RASD2: variants seen among roughly 807,000 people sequenced by gnomAD.
RASD2 encodes GTP-binding protein Rhes.
A neutral mutation model predicts 15.8 loss-of-function variants in RASD2; 7 were observed. That is an observed-to-expected ratio of 0.44 (90% CI 0.25 to 0.83). The LOEUF is 0.83. Ranked by LOEUF, RASD2 falls within the 40% of genes least tolerant of loss-of-function variation. RASD2 has a pLI of 0.20. For synonymous variants in RASD2, 155 were observed against 153.6 expected (o/e 1.01, Z -0.07); for missense variants, 274 against 382.8 (o/e 0.72, Z 2.37).
chr22:35,547,868 C>A (rs1027991877), intron 2 of RASD2, among the ~76,000 whole-genome samples: 18 of 152,242 alleles, frequency 1.2e-4, no homozygotes, highest in African/African-American at 4.3e-4. Flanking sequence ...CCTACCTCAG[C>A]CTCCCAAAGT....
At chr22:35,549,836 A>C (rs1934612180) in intron 2 of RASD2, among the ~76,000 whole-genome samples, 1 of 152,206 alleles carries the variant, frequency 6.6e-6, no homozygotes, top group Admixed American at 6.5e-5. Flanking sequence ...GGAAGGTGGC[A>C]GCCATTCTGC....
intron 1 of RASD2, among the ~76,000 whole-genome samples, chr22:35,542,249 C>T (rs532133140): frequency 1.3e-4 from 20 of 152,336 alleles, no homozygotes; most frequent in East Asian, 9.6e-4. Flanking sequence ...GCAAGACCTG[C>T]GCCTGCATTC....
chr22:35,535,045 C>G, the RASD2 span, among the ~76,000 whole-genome samples: 1 of 152,186 alleles, frequency 6.6e-6, no homozygotes, highest in African/African-American at 2.4e-5. Context: ...GCGAGGACCC[C>G]ATGACAGATT....
intron 1 of RASD2, among the ~76,000 whole-genome samples, chr22:35,544,392 G>A (rs946422151): frequency 2.6e-5 from 4 of 152,204 alleles, no homozygotes; most frequent in South Asian, 2.1e-4. Flanking sequence ...CCTCCCACAC[G>A]TATGCCCTGG....
intron 1 of RASD2, 142 bp from the exon 2 acceptor site, chr22:35,546,659 T>C: frequency 8.7e-7 from 1 of 1,153,824 alleles, no homozygotes; most frequent in Non-Finnish European, 1.2e-6. Context: ...AGGGTAGAAC[T>C]CCAAGACCCC....
At chr22:35,533,603 AATG>A in the RASD2 span, among the ~76,000 whole-genome samples, 2 of 3,014 alleles carry the variant, frequency 6.6e-4, no homozygotes, top group African/African-American at 1.2e-3. Flanking sequence ...TAATGGTGAT[AATG>A]ATGATGATGG....
rs1473020698 is a variant in RASD2 at position 35,552,329 on chromosome 22, G to A, written c.*297G>A. On this transcript the variant is annotated 3_prime_UTR_variant, in exon 3 of 3. Transcript: ENST00000216127. ...ACACCTTCCTCTCCTGGGGTTGGAA[G>A]AAATGTTGATGCCAGAGGGGTGAGG... The A allele has an allele frequency of 2.2e-6, 1 of 458,058 alleles. No individual in the cohort carries two copies. The highest frequency in any genetic ancestry group is 3.9e-6 in the Non-Finnish European group (1 of 255,326). The allele number at this position is 458,058 out of a possible 1,614,324, so 28.4% of individuals were successfully genotyped here.
intron 1 of RASD2, among the ~76,000 whole-genome samples, chr22:35,543,252 A>C (rs989409803): frequency 1.3e-5 from 2 of 152,122 alleles, no homozygotes; most frequent in Non-Finnish European, 2.9e-5. Flanking sequence ...ACCTGTCCTC[A>C]GAATGGCCCT....
At position 35,552,092 on chromosome 22, in the gene RASD2, A is replaced by G; in HGVS notation, c.*60A>G. The G allele has an allele frequency of 6.5e-7, 1 of 1,535,106 alleles. No homozygotes were observed. Among genetic ancestry groups the G allele is most frequent in the Non-Finnish European group, 8.8e-7 (1 of 1,139,822 alleles). ...TTCAGGGAGGTGGCCCCAGATGCCC[A>G]CTGTGCGCATCTCCCCACCGAGGCC... On this transcript the variant is annotated 3_prime_UTR_variant, in exon 3 of 3. Transcript: ENST00000216127.
At position 35,546,826 on chromosome 22, in the gene RASD2, C is replaced by G; in HGVS notation, c.17C>G (p.Ser6Cys). The change falls in exon 2 of 3, where the codon TCC (serine) becomes TGC (cysteine). Residue 6 changes from serine (S) to cysteine (C), a missense_variant. Transcript: ENST00000216127. ...CCCCGAGCCATGATGAAGACTTTGT[C>G]CAGCGGGAACTGCACGCTCAGTGTG... Reference protein sequence around the residue: MMKTLSSGNCTLSVPA... With the variant: MMKTLCSGNCTLSVPA... 1 of 1,613,766 alleles carries G rather than the reference C, an allele frequency of 6.2e-7. No individual in the cohort carries two copies. Among genetic ancestry groups the G allele is most frequent in the Non-Finnish European group, 8.5e-7 (1 of 1,179,906 alleles).
chr22:35,533,425 A>G, the RASD2 span, among the ~76,000 whole-genome samples: 5 of 152,236 alleles, frequency 3.3e-5, no homozygotes, highest in African/African-American at 1.2e-4. Context: ...AAAGGAGCAA[A>G]AGGTCCATAG....
intron 2 of RASD2, among the ~76,000 whole-genome samples, chr22:35,550,303 T>C (rs1157466980): frequency 6.6e-6 from 1 of 151,248 alleles, no homozygotes; most frequent in Non-Finnish European, 1.5e-5. Context: ...TAGCTAGGCA[T>C]GGTGACAGGC....
upstream of RASD2, among the ~76,000 whole-genome samples, chr22:35,536,604 C>A (rs1041130966): frequency 1.3e-5 from 2 of 152,202 alleles, no homozygotes; most frequent in Non-Finnish European, 2.9e-5. Flanking sequence ...GGATTACAGG[C>A]GTGAGCCACC....
upstream of RASD2, among the ~76,000 whole-genome samples, chr22:35,536,658 C>G (rs1166306387): frequency 6.6e-6 from 1 of 152,208 alleles, no homozygotes; most frequent in African/African-American, 2.4e-5. Flanking sequence ...GAAGGCTGGG[C>G]CACATGACCT....
the RASD2 span, among the ~76,000 whole-genome samples, chr22:35,533,176 G>A: frequency 6.6e-6 from 1 of 152,234 alleles, no homozygotes; most frequent in Non-Finnish European, 1.5e-5. Flanking sequence ...TAAATGTTAG[G>A]CTAGAAGGCC....
At chr22:35,545,848 G>A (rs1190021842) in intron 1 of RASD2, among the ~76,000 whole-genome samples, 1 of 152,190 alleles carries the variant, frequency 6.6e-6, no homozygotes, top group Non-Finnish European at 1.5e-5. Context: ...TAGGAAAGGA[G>A]GGAGGGCTGG....
chr22:35,549,177 C>T (rs1489816123), intron 2 of RASD2, among the ~76,000 whole-genome samples: 2 of 152,268 alleles, frequency 1.3e-5, no homozygotes, highest in African/African-American at 4.8e-5. Flanking sequence ...CGGAGGTGGC[C>T]ACCCTGGCAG....
Position 35,547,057 on chromosome 22 carries a change from T to C in RASD2, c.248T>C (p.Met83Thr), listed in dbSNP as rs547130736. Residue 83 changes from methionine (M) to threonine (T), a missense_variant, in exon 2 of 3, where the codon ATG becomes ACG. Physicochemically the swap from Met to Thr is moderately conservative, Grantham distance 81 (BLOSUM62 -1). Transcript: ENST00000216127. Reference sequence around the variant, plus strand: ...TCTGGCAACCACCCCTTCCCCGCCATGCGCAGGCTGTCCATCCTCACAGGT... The same window carrying C: ...TCTGGCAACCACCCCTTCCCCGCCACGCGCAGGCTGTCCATCCTCACAGGT... ...DTSGNHPFPA[M>T]RRLSILTGDV... 7 of 1,613,690 alleles carry C rather than the reference T, an allele frequency of 4.3e-6. No homozygotes were observed. The South Asian group carries it at 4.4e-5, about 10-fold the overall frequency.
upstream of RASD2, among the ~76,000 whole-genome samples, chr22:35,538,436 G>A (rs1249221055): frequency 6.6e-6 from 1 of 151,806 alleles, no homozygotes; most frequent in Non-Finnish European, 1.5e-5. Flanking sequence ...GATGAGGGAT[G>A]ATAAAGCAAG....
Sources: gnomAD v4.1 joint callset for allele counts (sites outside exome capture counted in the v4.1 genomes callset) on GRCh38, gnomAD v4.1.1 for gene constraint, MANE v1.5 for transcripts, NCBI Gene and HGNC (gene_info 2026-07-23, HGNC 2026-07-21) for gene names.